The following RBFOX1 variants were observed in gnomAD, a reference collection of about 807,000 sequenced individuals.
The protein encoded by RBFOX1 is RNA binding fox-1 homolog 1.
In RBFOX1, 8 loss-of-function variants were observed where a neutral mutation model predicts 57.7. That is an observed-to-expected ratio of 0.14 (90% confidence interval 0.08 to 0.25). RBFOX1 has a LOEUF of 0.25. Among genes scored for constraint, RBFOX1 ranks in the 10% least tolerant of loss-of-function variants. The probability of loss-of-function intolerance (pLI) is 1.00; values close to 1 mark genes in which losing one functional copy is unlikely to be tolerated. For missense variants in RBFOX1, 611 were observed against 548.5 expected, an observed-to-expected ratio of 1.11 and a Z score of -1.14; for synonymous variants, 326 against 222.4, an observed-to-expected ratio of 1.47 and a Z score of -4.15.
At chr16:5,925,516 C>T (rs2058922118) in intron 4 of RBFOX1, among the ~76,000 whole-genome samples, 1 of 152,144 alleles carries the variant, frequency 6.6e-6, no homozygotes, top group South Asian at 2.1e-4. Context: ...ATTCGTGGAA[C>T]ATGAACATGA....
intron 3 of RBFOX1, among the ~76,000 whole-genome samples, chr16:5,665,151 A>G (rs1429289562): frequency 1.4e-5 from 2 of 140,966 alleles, no homozygotes; most frequent in Non-Finnish European, 3.0e-5. Context: ...CGGTCTTGCT[A>G]TATTGCCCAG....
chr16:6,842,895 C>G (rs2141561878), intron 3 of RBFOX1, among the ~76,000 whole-genome samples: 1 of 152,172 alleles, frequency 6.6e-6, no homozygotes, highest in African/African-American at 2.4e-5. Flanking sequence ...TTGTTCAACT[C>G]CGACTTATGA....
intron 4 of RBFOX1, among the ~76,000 whole-genome samples, chr16:7,443,154 C>T (rs970077489): frequency 4.6e-5 from 7 of 152,216 alleles, no homozygotes; most frequent in Non-Finnish European, 8.8e-5. Flanking sequence ...ATGTTTCTAA[C>T]ACCCGTCAAT....
At position 5,889,247 on chromosome 16, in the gene RBFOX1, C is replaced by T. The variant is rs139857727; in HGVS notation, c.351+21912C>T. The stretch of plus-strand genomic sequence containing the variant: ...TCCTGATGCTCTCCCTCCCCACACT[C>T]TCCGGCAGTGTGTGCCATTCCTCCC... On this transcript the variant is annotated intron_variant, in intron 4 of 19. Coordinates refer to the RBFOX1 transcript ENST00000641259. Among the ~76,000 whole-genome samples, 261 of 152,262 alleles carry T rather than the reference C, an allele frequency of 1.7e-3. 1 individual carries two copies. Among genetic ancestry groups the T allele is most frequent in the African/African-American group, 6.0e-3 (248 of 41,558 alleles).
At chr16:5,335,886 G>A (rs1484263907) in intron 1 of RBFOX1, among the ~76,000 whole-genome samples, 2 of 152,114 alleles carry the variant, frequency 1.3e-5, no homozygotes, top group Non-Finnish European at 2.9e-5. Context: ...TCATGGTGAT[G>A]GTAATTATAC....
At chr16:6,110,149 C>T (rs1387916950) in intron 1 of RBFOX1, among the ~76,000 whole-genome samples, 1 of 150,952 alleles carries the variant, frequency 6.6e-6, no homozygotes, top group Non-Finnish European at 1.5e-5. Context: ...TGGATGATCA[C>T]AACAGGTTTT....
intron 4 of RBFOX1, among the ~76,000 whole-genome samples, chr16:7,476,025 G>C (rs1309975552): frequency 6.6e-6 from 1 of 151,950 alleles, no homozygotes; most frequent in African/African-American, 2.4e-5. Flanking sequence ...GAGTGCAGTA[G>C]TTCGATCATG....
At chr16:6,630,147 C>G (rs899827543) in intron 2 of RBFOX1, among the ~76,000 whole-genome samples, 1 of 152,088 alleles carries the variant, frequency 6.6e-6, no homozygotes, top group East Asian at 1.9e-4. Context: ...GCTACTTCAG[C>G]ATCACCTTCA....
chr16:6,758,233 T>A (rs559764992), intron 3 of RBFOX1, among the ~76,000 whole-genome samples: 2 of 152,100 alleles, frequency 1.3e-5, no homozygotes, highest in East Asian at 3.9e-4. Context: ...ATTGGGAAGC[T>A]ACTATCAGAA....
intron 4 of RBFOX1, among the ~76,000 whole-genome samples, chr16:7,477,366 G>A (rs993122982): frequency 2.6e-4 from 40 of 152,194 alleles, no homozygotes; most frequent in African/African-American, 9.2e-4. Flanking sequence ...TGAGGACCTG[G>A]GCTCCAGTTT....
intron 2 of RBFOX1, among the ~76,000 whole-genome samples, chr16:6,550,432 C>G (rs1422218126): frequency 5.3e-5 from 8 of 152,184 alleles, no homozygotes; most frequent in Admixed American, 4.6e-4. Flanking sequence ...CTCAAGTGAT[C>G]TGTTCACCTA....
chr16:5,434,299 G>T (rs1456337490), intron 1 of RBFOX1, among the ~76,000 whole-genome samples: 1 of 143,802 alleles, frequency 7.0e-6, no homozygotes, highest in African/African-American at 2.6e-5. Flanking sequence ...ATCAGAGGGA[G>T]CCATCTCTGC....
At chr16:7,373,384 C>T (rs2097610091) in intron 4 of RBFOX1, among the ~76,000 whole-genome samples, 1 of 152,114 alleles carries the variant, frequency 6.6e-6, no homozygotes, top group Non-Finnish European at 1.5e-5. Context: ...TATTAAGAGG[C>T]ACAGTGATCC....
intron 3 of RBFOX1, among the ~76,000 whole-genome samples, chr16:5,619,896 A>T (rs958865194): frequency 6.6e-6 from 1 of 152,098 alleles, no homozygotes; most frequent in Non-Finnish European, 1.5e-5. Context: ...TTTAAAGAAG[A>T]ATATGCTGAC....
At chr16:5,444,209 G>A (rs554911992) in intron 1 of RBFOX1, among the ~76,000 whole-genome samples, 1 of 152,268 alleles carries the variant, frequency 6.6e-6, no homozygotes, top group South Asian at 2.1e-4. Flanking sequence ...CTTTTAGTTG[G>A]CAGCAGATTA....
At chr16:6,685,611 C>G (rs1375375086) in intron 3 of RBFOX1, among the ~76,000 whole-genome samples, 2 of 151,984 alleles carry the variant, frequency 1.3e-5, no homozygotes, top group Non-Finnish European at 2.9e-5. Flanking sequence ...TTTGGTCACA[C>G]TTAAACCAAG....
chr16:6,519,006 G>A (rs573283389), intron 2 of RBFOX1, among the ~76,000 whole-genome samples: 1 of 151,710 alleles, frequency 6.6e-6, no homozygotes, highest in South Asian at 2.1e-4. Context: ...TTTCTCAGTG[G>A]GCTCCCAAGG....
intron 4 of RBFOX1, among the ~76,000 whole-genome samples, chr16:7,447,002 A>T (rs1230686883): frequency 6.6e-6 from 1 of 151,096 alleles, no homozygotes; most frequent in African/African-American, 2.4e-5. Flanking sequence ...TTAGTAGAGA[A>T]TGGGTTTCAC....
In RBFOX1 at chr16:7,607,263, G is replaced by A. The variant is rs761974879; in HGVS notation, c.623-22G>A. On this transcript the variant is annotated intron_variant, in intron 9 of 15. Transcript: ENST00000550418. ...ATGTTGAATCAAATGTGATAATAATGTTTTTGTGTATTTGTTTTAAGGCTG... is the reference window on the plus strand; with the variant it reads ...ATGTTGAATCAAATGTGATAATAATATTTTTGTGTATTTGTTTTAAGGCTG... 13 of 1,600,162 alleles carry A rather than the reference G, an allele frequency of 8.1e-6. No homozygotes were observed. In the East Asian group the frequency reaches 2.7e-4, roughly 33 times the overall value.
Sources: gnomAD v4.1 joint callset for allele counts (sites outside exome capture counted in the v4.1 genomes callset) on GRCh38, gnomAD v4.1.1 for gene constraint, MANE v1.5 for transcripts, NCBI Gene and HGNC (gene_info 2026-07-23, HGNC 2026-07-21) for gene names.